The following AGBL4 variants were observed in gnomAD, a reference collection of about 807,000 sequenced individuals.
The protein encoded by AGBL4 is cytosolic carboxypeptidase 6.
Under a neutral mutation model 66.4 loss-of-function variants are expected in AGBL4, and 58 were observed. The ratio of observed to expected loss-of-function variants is 0.87; its 90% CI spans 0.71 to 1.09. The LOEUF is 1.09. Ranked by LOEUF, AGBL4 falls within the 50% of genes least tolerant of loss-of-function variation. The pLI, the probability that AGBL4 is intolerant of heterozygous loss-of-function variation, is 0.00. For synonymous variants in AGBL4, 234 were observed against 222.9 expected, an observed-to-expected ratio of 1.05 and a Z score of -0.44; for missense variants, 579 against 631.0, an observed-to-expected ratio of 0.92 and a Z score of 0.88.
At chr1:49,277,343 G>A (rs891549011) in intron 3 of AGBL4, among the ~76,000 whole-genome samples, 6 of 152,040 alleles carry the variant, frequency 3.9e-5, no homozygotes, top group Non-Finnish European at 7.4e-5. Context: ...TCCTGTCCTT[G>A]AGAATTTTGC....
At chr1:49,146,269 A>G (rs1646215939) in intron 4 of AGBL4, among the ~76,000 whole-genome samples, 1 of 152,216 alleles carries the variant, frequency 6.6e-6, no homozygotes, top group Non-Finnish European at 1.5e-5. Context: ...TATTGTTTGT[A>G]ACACCAAGGA....
chr1:50,000,734 A>G (rs1290925172), intron 1 of AGBL4, among the ~76,000 whole-genome samples: 3 of 152,228 alleles, frequency 2.0e-5, no homozygotes, highest in Non-Finnish European at 4.4e-5. Flanking sequence ...AATACTACTC[A>G]GCCATAAAAA....
At chr1:48,763,839 A>G (rs145145466) in intron 6 of AGBL4, among the ~76,000 whole-genome samples, 27 of 152,334 alleles carry the variant, frequency 1.8e-4, no homozygotes, top group African/African-American at 5.5e-4. Flanking sequence ...GCATCCATCC[A>G]TGCAACTCTC....
Position 49,386,265 on chromosome 1 carries a change from A to ATG in AGBL4, c.283-140403_283-140402dup, listed in dbSNP as rs35497867. Among the ~76,000 whole-genome samples the ATG allele has an allele frequency of 5.9e-3, 870 of 148,596 alleles. 4 individuals carry two copies. Among genetic ancestry groups the ATG allele is most frequent in the East Asian group, 0.026 (132 of 5,028 alleles). ...ATATATTTTTTGGATGGATGGATGG[A>ATG]TGTGTGTGTGTGTGTGTGTGTGTGT... On this transcript the variant is annotated intron_variant, in intron 3 of 13. Transcript: ENST00000371839.
At chr1:49,277,350 T>C (rs1644187448) in intron 3 of AGBL4, among the ~76,000 whole-genome samples, 1 of 152,160 alleles carries the variant, frequency 6.6e-6, no homozygotes, top group Admixed American at 6.5e-5. Flanking sequence ...CTTGAGAATT[T>C]TGCAGTTTGG....
chr1:49,533,458 C>T (rs1378456759), intron 3 of AGBL4, among the ~76,000 whole-genome samples: 1 of 152,044 alleles, frequency 6.6e-6, no homozygotes, highest in African/African-American at 2.4e-5. Flanking sequence ...CTTGTTCTCC[C>T]GTTTCCATTT....
At chr1:49,014,177 A>G (rs1477872950) in intron 5 of AGBL4, among the ~76,000 whole-genome samples, 3 of 152,208 alleles carry the variant, frequency 2.0e-5, no homozygotes, top group Admixed American at 6.5e-5. Context: ...TTTAAAATGA[A>G]GTAGAAGGAA....
In AGBL4 at chr1:49,549,487, G is replaced by A. The variant is rs1445154495; in HGVS notation, c.282+147826C>T. 2.0e-5 allele frequency among the ~76,000 whole-genome samples: 3 copies of A among 152,020 alleles called. No individual in the cohort carries two copies. In the East Asian group the frequency reaches 5.8e-4, roughly 29 times the overall value. ...GGTTTTGATAGGTTGTGTCATTATT[G>A]CAATTCAGTTTGAAGAATTTCTTAA... is the stretch of plus-strand genomic sequence containing the variant. On this transcript the variant is annotated intron_variant, in intron 3 of 13. Coordinates refer to ENST00000371839, the MANE Select transcript of AGBL4 (RefSeq NM_032785.4).
intron 5 of AGBL4, among the ~76,000 whole-genome samples, chr1:48,975,718 C>A (rs1002059854): frequency 1.3e-5 from 2 of 152,092 alleles, no homozygotes; most frequent in Non-Finnish European, 2.9e-5. Context: ...TATGAAGATA[C>A]AAGTAAGTTG....
At chr1:49,973,715 T>A (rs1276879514) in intron 1 of AGBL4, among the ~76,000 whole-genome samples, 1 of 148,920 alleles carries the variant, frequency 6.7e-6, no homozygotes, top group Non-Finnish European at 1.5e-5. Context: ...TCATATTATA[T>A]ATTGTATATC....
chr1:49,253,945 G>T (rs1173722734), intron 3 of AGBL4, among the ~76,000 whole-genome samples: 2 of 152,072 alleles, frequency 1.3e-5, no homozygotes, highest in Non-Finnish European at 2.9e-5. Context: ...TGCAGAAAAG[G>T]CTTTTGATAA....
chr1:49,991,955 C>T (rs924253918), intron 1 of AGBL4, among the ~76,000 whole-genome samples: 9 of 152,090 alleles, frequency 5.9e-5, no homozygotes, highest in African/African-American at 1.9e-4. Context: ...TCTCATTTAC[C>T]TTGCAAGATT....
chr1:48,627,293 C>A (rs1056034855), intron 9 of AGBL4, among the ~76,000 whole-genome samples: 7 of 152,148 alleles, frequency 4.6e-5, no homozygotes, highest in African/African-American at 1.7e-4. Flanking sequence ...TGTAGAACTG[C>A]ATACTTGTTT....
intron 4 of AGBL4, among the ~76,000 whole-genome samples, chr1:49,221,805 C>T (rs903875740): frequency 9.2e-5 from 14 of 151,978 alleles, no homozygotes; most frequent in African/African-American, 3.1e-4. Context: ...TTGGACATAC[C>T]TTAGCATAAA....
At chr1:49,245,712 A>T in intron 4 of AGBL4, 58 bp downstream of exon 4, 2 of 1,302,512 alleles carry the variant, frequency 1.5e-6, no homozygotes, top group Non-Finnish European at 1.1e-6. Context: ...GTGTATATGT[A>T]TGGGGTCTGG....
intron 3 of AGBL4, among the ~76,000 whole-genome samples, chr1:49,668,789 C>T (rs1646419028): frequency 6.6e-6 from 1 of 152,174 alleles, no homozygotes; most frequent in South Asian, 2.1e-4. Context: ...TCTTGCTAAA[C>T]CATCAACTAA....
At chr1:49,035,954 G>A (rs1664615025) in intron 5 of AGBL4, among the ~76,000 whole-genome samples, 2 of 152,048 alleles carry the variant, frequency 1.3e-5, no homozygotes, top group Middle Eastern at 3.4e-3. Context: ...AATAGAAACT[G>A]GGGACTAGTA....
intron 6 of AGBL4, among the ~76,000 whole-genome samples, chr1:48,670,518 G>C (rs1014696958): frequency 6.6e-6 from 1 of 152,258 alleles, no homozygotes; most frequent in East Asian, 1.9e-4. Flanking sequence ...GATACAGGCG[G>C]CTTGGGCCAA....
At chr1:49,333,033 T>C (rs903569581) in intron 3 of AGBL4, among the ~76,000 whole-genome samples, 25 of 152,234 alleles carry the variant, frequency 1.6e-4, no homozygotes, top group Non-Finnish European at 3.4e-4. Context: ...TGAGCTTTTT[T>C]TCATATGTTT....
Sources: gnomAD v4.1 joint callset for allele counts (sites outside exome capture counted in the v4.1 genomes callset) on GRCh38, gnomAD v4.1.1 for gene constraint, MANE v1.5 for transcripts, NCBI Gene and HGNC (gene_info 2026-07-23, HGNC 2026-07-21) for gene names.